GSE1: variants seen among roughly 807,000 people sequenced by gnomAD.
GSE1 encodes genetic suppressor element 1.
GSE1 carries 32 observed loss-of-function variants against 112.6 expected under a neutral mutation model. The ratio of observed to expected loss-of-function variants is 0.28; its 90% confidence interval spans 0.21 to 0.38. The LOEUF (loss-of-function observed/expected upper bound fraction) is 0.38. GSE1 is among the 10% of genes least tolerant of loss of function. The pLI is 1.00. For synonymous variants in GSE1, 1,115 were observed against 735.6 expected, an observed-to-expected ratio of 1.52 and a Z score of -8.35; for missense variants, 2,348 against 1,699.2, an observed-to-expected ratio of 1.38 and a Z score of -6.71.
intron 1 of GSE1, among the ~76,000 whole-genome samples, chr16:85,589,781 ATGTG>A (rs1369389113): frequency 6.6e-6 from 1 of 151,842 alleles, no homozygotes; most frequent in Non-Finnish European, 1.5e-5. Context: ...TTGTGAATGT[ATGTG>A]TGAATATGTG....
intron 2 of GSE1, among the ~76,000 whole-genome samples, chr16:85,378,716 C>T (rs1418266782): frequency 1.3e-5 from 2 of 152,182 alleles, no homozygotes; most frequent in Non-Finnish European, 2.9e-5. Context: ...CAGCCCTGTG[C>T]CTGCCCTGAG....
chr16:85,489,182 T>A (rs2050933394), intron 2 of GSE1, among the ~76,000 whole-genome samples: 1 of 152,046 alleles, frequency 6.6e-6, no homozygotes, highest in Non-Finnish European at 1.5e-5. Context: ...AACTTTGAAT[T>A]GAAATCATCA....
chr16:85,584,948 C>CGTG (rs1200529147), intron 1 of GSE1, among the ~76,000 whole-genome samples: 1 of 152,098 alleles, frequency 6.6e-6, no homozygotes, highest in African/African-American at 2.4e-5. Context: ...CGTGGGGCCA[C>CGTG]GTGGCCCGGG....
intron 1 of GSE1, among the ~76,000 whole-genome samples, chr16:85,266,260 C>G (rs967081130): frequency 5.9e-5 from 9 of 152,152 alleles, no homozygotes; most frequent in African/African-American, 1.9e-4. Context: ...CATGCGTCCT[C>G]TCTCTCTAGG....
chr16:85,255,017 G>A (rs566722930), intron 1 of GSE1, among the ~76,000 whole-genome samples: 2 of 152,216 alleles, frequency 1.3e-5, no homozygotes, highest in African/African-American at 2.4e-5. Context: ...CACCTCTGCC[G>A]CGGGCGGTCT....
chr16:85,610,493 T>TCGTTAG (rs935726127), upstream of GSE1, among the ~76,000 whole-genome samples: 1 of 152,190 alleles, frequency 6.6e-6, no homozygotes, highest in African/African-American at 2.4e-5. Context: ...GCGACAAACC[T>TCGTTAG]CGTTAGCGAG....
intron 1 of GSE1, chr16:85,592,966 C>T (rs997842475): frequency 2.6e-5 from 4 of 152,350 alleles, no homozygotes; most frequent in African/African-American, 9.6e-5. Flanking sequence ...GGCCCCGCCA[C>T]CTCTGTTCAG....
chr16:85,276,659 G>A (rs1192981034), intron 1 of GSE1, among the ~76,000 whole-genome samples: 1 of 152,234 alleles, frequency 6.6e-6, no homozygotes, highest in African/African-American at 2.4e-5. Context: ...CGTGGAGGAT[G>A]CTTCGGTGGC....
intron 2 of GSE1, among the ~76,000 whole-genome samples, chr16:85,531,989 A>G (rs1174363397): frequency 1.3e-5 from 2 of 152,218 alleles, no homozygotes; most frequent in Non-Finnish European, 2.9e-5. Context: ...AGGCAGAGGC[A>G]GGACCCGGGT....
At chr16:85,509,438 A>G (rs1424344849) in intron 2 of GSE1, among the ~76,000 whole-genome samples, 2 of 152,196 alleles carry the variant, frequency 1.3e-5, no homozygotes, top group African/African-American at 4.8e-5. Flanking sequence ...TACAGATACG[A>G]GGAGGCCAAG....
At chr16:85,302,589 G>A (rs1258990018) in intron 1 of GSE1, among the ~76,000 whole-genome samples, 1 of 152,156 alleles carries the variant, frequency 6.6e-6, no homozygotes, top group Non-Finnish European at 1.5e-5. Flanking sequence ...TGAAATGCAC[G>A]CATGCCTCAG....
rs532070789 is a variant in GSE1 at position 85,481,055 on chromosome 16, G to A, written c.2464+123412G>A. On this transcript the variant is annotated intron_variant, in intron 2 of 2. Transcript: ENST00000637419. ...TCCCTCTCTGGGCCGCTCGGCCTCC[G>A]GCCTCGGTTTCGGCGTTTTTCTCCA... is the stretch of plus-strand genomic sequence containing the variant. Among the ~76,000 whole-genome samples, 57 of 151,284 alleles carry A rather than the reference G, an allele frequency of 3.8e-4. 1 individual carries two copies. The highest frequency in any genetic ancestry group is 2.2e-3 in the South Asian group (10 of 4,604).
At chr16:85,480,046 G>A (rs1266556745) in intron 2 of GSE1, among the ~76,000 whole-genome samples, 1 of 152,214 alleles carries the variant, frequency 6.6e-6, no homozygotes, top group Non-Finnish European at 1.5e-5. Context: ...CATTGCCCGT[G>A]TTCCTGGCCG....
chr16:85,666,390 G>T, intron 13 of GSE1, 43 bp downstream of exon 13: 2 of 1,608,700 alleles, frequency 1.2e-6, no homozygotes, highest in Non-Finnish European at 1.7e-6. Context: ...GGCTGTGGTT[G>T]AGGCTGACCA....
intron 2 of GSE1, among the ~76,000 whole-genome samples, chr16:85,485,310 A>G (rs1268189410): frequency 6.6e-6 from 1 of 152,240 alleles, no homozygotes; most frequent in African/African-American, 2.4e-5. Context: ...AGGGAGAGAC[A>G]GGAGCCTGCA....
At chr16:85,555,814 T>C, upstream of GSE1, 1 of 948,994 alleles carries the variant, frequency 1.1e-6, no homozygotes, top group Non-Finnish European at 1.3e-6. Flanking sequence ...GTTTTTTTTT[T>C]CTTTCCCCCC....
chr16:85,459,231 C>T lies in GSE1; in HGVS notation c.2464+101588C>T, dbSNP rs78147505. On this transcript the variant is annotated intron_variant, in intron 2 of 2. Coordinates refer to the GSE1 transcript ENST00000637419. ...CAATTGCAAACGCCACCCCCAGGCA[C>T]CCTCTGTGTCTCCACATGCATGCAG... 8.6e-3 allele frequency among the ~76,000 whole-genome samples: 1,306 copies of T among 152,346 alleles called. 16 individuals carry two copies. The highest frequency in any genetic ancestry group is 0.03 in the African/African-American group (1,256 of 41,576).
chr16:85,521,066 A>G (rs1045116436), intron 2 of GSE1, among the ~76,000 whole-genome samples: 1 of 150,986 alleles, frequency 6.6e-6, no homozygotes, highest in African/African-American at 2.4e-5. Flanking sequence ...GTTCTTCGTG[A>G]AGATCTCAGG....
At chr16:85,658,343 C>T (rs1054298240) in intron 8 of GSE1, among the ~76,000 whole-genome samples, 20 of 152,188 alleles carry the variant, frequency 1.3e-4, no homozygotes, top group Non-Finnish European at 2.6e-4. Context: ...TGCTCCAGGC[C>T]CAGCTCAGGG....
Sources: allele counts gnomAD v4.1 joint callset (sites outside exome capture counted in the v4.1 genomes callset), GRCh38; gene constraint gnomAD v4.1.1; transcripts MANE v1.5; gene names NCBI Gene and HGNC (gene_info 2026-07-23, HGNC 2026-07-21).